RELN: variants seen among roughly 807,000 people sequenced by gnomAD.
RELN encodes the protein reelin.
Under a neutral mutation model 427.6 loss-of-function variants are expected in RELN, and 108 were observed. The ratio of observed to expected loss-of-function variants is 0.25; its 90% CI spans 0.22 to 0.30. The LOEUF is 0.30. Ranked by LOEUF, RELN falls within the 10% of genes least tolerant of loss-of-function variation. The probability of loss-of-function intolerance (pLI) is 1.00; values close to 1 mark genes in which losing one functional copy is unlikely to be tolerated. For synonymous variants in RELN, 1,524 were observed against 1,513.4 expected (o/e 1.01, Z -0.16); for missense variants, 3,715 against 4,302.8 (o/e 0.86, Z 3.82).
chr7:103,523,308 T>C (rs1284438828), intron 47 of RELN, 83 bp downstream of exon 47: 2 of 1,530,738 alleles, frequency 1.3e-6, no homozygotes. Flanking sequence ...ATGGGAGTGA[T>C]TCAAAAACCA....
chr7:103,812,585 G>T (rs1046326170), intron 3 of RELN, among the ~76,000 whole-genome samples: 6 of 152,170 alleles, frequency 3.9e-5, no homozygotes, highest in Non-Finnish European at 8.8e-5. Flanking sequence ...GCAGTTTATA[G>T]CTGGCTAGCA....
intron 3 of RELN, among the ~76,000 whole-genome samples, chr7:103,807,955 C>T (rs1377177057): frequency 6.6e-6 from 1 of 152,066 alleles, no homozygotes; most frequent in Admixed American, 6.6e-5. Flanking sequence ...ACACTAGGCA[C>T]AACTGAGGAT....
At chr7:103,797,905 C>CACT (rs1474514312) in intron 3 of RELN, among the ~76,000 whole-genome samples, 1 of 152,226 alleles carries the variant, frequency 6.6e-6, no homozygotes, top group Non-Finnish European at 1.5e-5. Context: ...CTTCCTCAAT[C>CACT]ACTACATCTG....
intron 10 of RELN, among the ~76,000 whole-genome samples, chr7:103,684,741 G>A (rs1562955977): frequency 6.6e-6 from 1 of 151,968 alleles, no homozygotes; most frequent in East Asian, 1.9e-4. Context: ...TGTTGTTAGT[G>A]GCACAAATAA....
intron 60 of RELN, among the ~76,000 whole-genome samples, chr7:103,487,081 G>T (rs1473039999): frequency 1.3e-5 from 2 of 152,126 alleles, no homozygotes; most frequent in African/African-American, 4.8e-5. Flanking sequence ...CAGCCATATA[G>T]AAGGATGAGT....
At chr7:103,699,035 C>G (rs1280568992) in intron 9 of RELN, among the ~76,000 whole-genome samples, 3 of 152,100 alleles carry the variant, frequency 2.0e-5, no homozygotes, top group Non-Finnish European at 4.4e-5. Context: ...CATGATATAA[C>G]ATGATTTTTT....
chr7:103,699,628 A>C (rs1834050036), intron 9 of RELN, among the ~76,000 whole-genome samples: 1 of 152,150 alleles, frequency 6.6e-6, no homozygotes, highest in Admixed American at 6.5e-5. Context: ...ATGTACCATA[A>C]TTTACTTCAA....
chr7:103,745,499 T>A (rs1373262079), intron 6 of RELN, among the ~76,000 whole-genome samples: 2 of 145,974 alleles, frequency 1.4e-5, no homozygotes, highest in African/African-American at 5.4e-5. Context: ...GACGACATGA[T>A]TGTATATCTA....
At chr7:103,636,495 C>A (rs1285136470) in intron 17 of RELN, 27 bp from the exon 18 acceptor site, 3 of 1,462,984 alleles carry the variant, frequency 2.1e-6, no homozygotes, top group African/African-American at 1.4e-5. Context: ...GAAATTAAAT[C>A]TTAAACTGTT....
intron 12 of RELN, among the ~76,000 whole-genome samples, chr7:103,655,120 C>T (rs1397478446): frequency 6.6e-6 from 1 of 151,978 alleles, no homozygotes; most frequent in South Asian, 2.1e-4. Context: ...TCCCAGTCAA[C>T]AATTCTTGCT....
chr7:103,528,173 A>T (rs969955639), intron 46 of RELN, among the ~76,000 whole-genome samples: 16 of 152,236 alleles, frequency 1.1e-4, no homozygotes, highest in African/African-American at 3.9e-4. Flanking sequence ...TGAACAGATA[A>T]ATAAAATGTG....
chr7:103,559,601 A>G (rs900082334), intron 36 of RELN, among the ~76,000 whole-genome samples: 7 of 152,012 alleles, frequency 4.6e-5, no homozygotes, highest in Non-Finnish European at 1.0e-4. Flanking sequence ...TAAGAGACAG[A>G]GTCTTGCTCT....
At chr7:103,650,623 T>A (rs1395042978) in intron 15 of RELN, among the ~76,000 whole-genome samples, 1 of 152,104 alleles carries the variant, frequency 6.6e-6, no homozygotes, top group Non-Finnish European at 1.5e-5. Flanking sequence ...TAAACATTTT[T>A]AAAGCTTTAA....
At chr7:103,880,339 C>A (rs1393970617) in intron 2 of RELN, among the ~76,000 whole-genome samples, 3 of 152,056 alleles carry the variant, frequency 2.0e-5, no homozygotes, top group Non-Finnish European at 4.4e-5. Context: ...CTTTTTAAAG[C>A]TATTTTTGCT....
Position 103,500,851 on chromosome 7 carries a change from G to A in RELN, c.8561C>T (p.Pro2854Leu), listed in dbSNP as rs1435886176. 1.9e-6 allele frequency: 3 copies of A among 1,614,096 alleles called. No homozygotes were observed. Among genetic ancestry groups the A allele is most frequent in the Non-Finnish European group, 1.7e-6 (2 of 1,180,008 alleles). Reference sequence around the variant, plus strand: ...GCCCCTGCAGTTGTCCAAGCATCCAGGGCCCAGGTAGAAATTATCGATTGC... The same window carrying A: ...GCCCCTGCAGTTGTCCAAGCATCCAAGGCCCAGGTAGAAATTATCGATTGC... ...QWAIDNFYLG[P>L]GCLDNCRGHG... is the part of the protein sequence containing the mutation. The change falls in exon 53 of 65, where the codon CCT becomes CTT. Residue 2854 changes from proline (P) to leucine (L), a missense_variant. By Grantham distance (98) the Pro-to-Leu change is moderately conservative. Coordinates refer to ENST00000428762, the MANE Select transcript of RELN (RefSeq NM_005045.4).
In RELN at chr7:103,836,249, C is replaced by T. The variant is rs554262803; in HGVS notation, c.338-2577G>A. On this transcript the variant is annotated intron_variant, in intron 2 of 64. Transcript: ENST00000428762. ...TGCCAGGTTTACAGGCGTCAGCCAC[C>T]GCACCCGGCCTACCTCATATTGTTT... Among the ~76,000 whole-genome samples, 29 of 152,256 alleles carry T rather than the reference C, an allele frequency of 1.9e-4. 1 individual carries two copies. The highest frequency in any genetic ancestry group is 1.4e-3 in the Admixed American group (22 of 15,300).
intron 8 of RELN, among the ~76,000 whole-genome samples, chr7:103,709,626 T>C (rs1227111346): frequency 6.6e-6 from 1 of 152,162 alleles, no homozygotes; most frequent in Non-Finnish European, 1.5e-5. Flanking sequence ...GGAGTTCAAC[T>C]GGCAGAGAAA....
At position 103,500,792 on chromosome 7, in the gene RELN, C is replaced by A; in HGVS notation, c.8620G>T (p.Asp2874Tyr). 1 of 1,614,146 alleles carries A rather than the reference C, an allele frequency of 6.2e-7. No homozygotes were observed. The highest frequency in any genetic ancestry group is 8.5e-7 in the Non-Finnish European group (1 of 1,180,004). Reference sequence around the variant, plus strand: ...CAGTTTGGCCCTGAGTATCCCGGATCACAGATGCACTGTTCCCTTAAGCAA... The same window carrying A: ...CAGTTTGGCCCTGAGTATCCCGGATAACAGATGCACTGTTCCCTTAAGCAA... ...GDCLREQCIC[D>Y]PGYSGPNCYL... The change falls in exon 53 of 65, where the codon GAT becomes TAT. Residue 2874 changes from aspartate to tyrosine, a missense_variant. Physicochemically the swap from Asp to Tyr is radical, Grantham distance 160 (BLOSUM62 -3). Around this residue, in one of 4 missense-constraint regions of RELN, gnomAD observed 1,310 missense variants for 1,643.0 expected, o/e 0.80. Transcript: ENST00000428762.
chr7:103,983,863 C>CTGTGTG (rs59702742), intron 1 of RELN, among the ~76,000 whole-genome samples: 2,053 of 148,506 alleles, frequency 0.014, 43 homozygotes, highest in African/African-American at 0.044. Context: ...CTTCATATTT[C>CTGTGTG]TGTGTGTGTG....
Sources: allele counts gnomAD v4.1 joint callset (sites outside exome capture counted in the v4.1 genomes callset), GRCh38; gene constraint gnomAD v4.1.1; regional missense constraint gnomAD v4.1.1; transcripts MANE v1.5; gene names NCBI Gene and HGNC (gene_info 2026-07-23, HGNC 2026-07-21).